The following UBE4B variants were observed in gnomAD, a reference collection of about 807,000 sequenced individuals.
The protein encoded by UBE4B is ubiquitination factor E4B, also known as ubiquitin conjugation factor E4 B.
Under a neutral mutation model 148.1 loss-of-function variants are expected in UBE4B, and 27 were observed. The ratio of observed to expected loss-of-function variants is 0.18; its 90% CI spans 0.13 to 0.25. The LOEUF is 0.25. Ranked by LOEUF, UBE4B falls within the 10% of genes least tolerant of loss-of-function variation. The probability of loss-of-function intolerance (pLI) is 1.00; values close to 1 mark genes in which losing one functional copy is unlikely to be tolerated. For synonymous variants in UBE4B, 596 were observed against 619.3 expected (o/e 0.96, Z 0.56); for missense variants, 1,170 against 1,662.4 (o/e 0.70, Z 5.15).
chr1:10,154,400 A>T (rs1557601843), intron 21 of UBE4B, among the ~76,000 whole-genome samples: 1 of 152,154 alleles, frequency 6.6e-6, no homozygotes, highest in Non-Finnish European at 1.5e-5. Flanking sequence ...AAAAGAGTGG[A>T]TTTGGAGCTA....
At chr1:10,096,731 A>C (rs1356764416) in intron 3 of UBE4B, among the ~76,000 whole-genome samples, 3 of 151,766 alleles carry the variant, frequency 2.0e-5, no homozygotes, top group Non-Finnish European at 4.4e-5. Flanking sequence ...CAAAAAAAGA[A>C]AAAGGAGAAT....
rs1643379704 is a variant in UBE4B, at chr1:10,033,475, C to T, written c.-196C>T. 6.4e-6 allele frequency: 3 copies of T among 467,000 alleles called. 1 individual carries two copies. The South Asian group carries it at 1.8e-4, about 28-fold the overall frequency. 28.9% of individuals were successfully genotyped at this position (467,000 alleles called of 1,614,324 possible). Reference sequence around the variant, plus strand: ...GCGGCTGTAGTAGTCTGTGGGGCGACTGGAGTGACCGAAGCCAAGGCAGTT... The same window carrying T: ...GCGGCTGTAGTAGTCTGTGGGGCGATTGGAGTGACCGAAGCCAAGGCAGTT... On this transcript the variant is annotated 5_prime_UTR_variant, in exon 1 of 28. Coordinates refer to ENST00000343090, the MANE Select transcript of UBE4B (RefSeq NM_001105562.3).
At chr1:10,107,859 TGA>T (rs924148992) in intron 7 of UBE4B, among the ~76,000 whole-genome samples, 2 of 151,984 alleles carry the variant, frequency 1.3e-5, no homozygotes, top group African/African-American at 2.4e-5. Context: ...ATTACAGGAG[TGA>T]GTCACTGTGT....
chr1:10,158,594 A>T, intron 22 of UBE4B, 112 bp downstream of exon 22: 2 of 1,406,244 alleles, frequency 1.4e-6, no homozygotes, highest in Non-Finnish European at 9.6e-7. Context: ...TTGGTCTCAG[A>T]CTCCTTTGAG....
intron 19 of UBE4B, 78 bp from the exon 20 acceptor site, chr1:10,149,106 G>A (rs1645929477): frequency 1.6e-5 from 16 of 993,582 alleles, no homozygotes; most frequent in East Asian, 1.5e-4. Context: ...ATACTTATCC[G>A]ATGGTAATGT....
At chr1:10,035,468 C>T (rs1348532266) in intron 1 of UBE4B, among the ~76,000 whole-genome samples, 2 of 134,746 alleles carry the variant, frequency 1.5e-5, no homozygotes, top group Non-Finnish European at 3.1e-5. Context: ...GCTATCTCAG[C>T]TCACTGCAAG....
chr1:10,086,043 C>T (rs1023727166), intron 2 of UBE4B, among the ~76,000 whole-genome samples: 3 of 152,030 alleles, frequency 2.0e-5, no homozygotes, highest in African/African-American at 7.2e-5. Flanking sequence ...ACAATCTCCG[C>T]TTACTGCAAG....
At chr1:10,107,505 T>C in intron 7 of UBE4B, 1 of 1,048,850 alleles carries the variant, frequency 9.5e-7, no homozygotes, top group Non-Finnish European at 1.2e-6. Flanking sequence ...CCAGAGTATA[T>C]TGATGTGTTC....
At chr1:10,152,331 G>A (rs1019526446) in intron 21 of UBE4B, among the ~76,000 whole-genome samples, 3 of 151,426 alleles carry the variant, frequency 2.0e-5, no homozygotes, top group African/African-American at 4.9e-5. Flanking sequence ...TTCTTAAGTT[G>A]AAAATACCTG....
chr1:10,127,202 T>TAA (rs35655615), intron 11 of UBE4B, among the ~76,000 whole-genome samples: 2 of 144,388 alleles, frequency 1.4e-5, no homozygotes, highest in Non-Finnish European at 3.1e-5. Context: ...TTTTGTTACT[T>TAA]AAAAAAAAAA....
intron 14 of UBE4B, among the ~76,000 whole-genome samples, chr1:10,131,989 G>A (rs530923420): frequency 1.1e-4 from 17 of 152,110 alleles, no homozygotes; most frequent in African/African-American, 3.4e-4. Context: ...AACTAGCTGG[G>A]TGTGGCGGCG....
At chr1:10,140,964 A>G (rs138396092) in intron 17 of UBE4B, among the ~76,000 whole-genome samples, 199 of 152,308 alleles carry the variant, frequency 1.3e-3, no homozygotes, top group Non-Finnish European at 2.4e-3. Context: ...GTTGCATAAT[A>G]TGAACCTCTC....
chr1:10,088,214 C>T (rs545368501), intron 2 of UBE4B, among the ~76,000 whole-genome samples: 5 of 152,160 alleles, frequency 3.3e-5, no homozygotes, highest in Non-Finnish European at 5.9e-5. Flanking sequence ...TGATTCTATG[C>T]ATGATTCTGC....
At chr1:10,095,619 A>C in intron 3 of UBE4B, 23 bp downstream of exon 3, 1 of 1,613,780 alleles carries the variant, frequency 6.2e-7, no homozygotes. Flanking sequence ...CAGTTTTCTA[A>C]TATGCTCTTT....
chr1:10,068,260 A>G, intron 1 of UBE4B, among the ~76,000 whole-genome samples: 1 of 151,856 alleles, frequency 6.6e-6, no homozygotes, highest in Non-Finnish European at 1.5e-5. Context: ...AACTCCTGAC[A>G]TGAAGTGATC....
intron 7 of UBE4B, among the ~76,000 whole-genome samples, chr1:10,110,362 G>A (rs896880692): frequency 4.0e-4 from 61 of 152,168 alleles, no homozygotes; most frequent in African/African-American, 1.3e-3. Context: ...TGCTTTTTGC[G>A]CGAGTGGCAT....
chr1:10,157,742 A>T (rs535334975), intron 21 of UBE4B, among the ~76,000 whole-genome samples: 2 of 152,120 alleles, frequency 1.3e-5, no homozygotes, highest in Admixed American at 6.6e-5. Flanking sequence ...GTGCTACTGC[A>T]CTCCAGCCTG....
chr1:10,074,652 C>T (rs555892800), intron 2 of UBE4B, among the ~76,000 whole-genome samples: 2 of 152,332 alleles, frequency 1.3e-5, no homozygotes, highest in Admixed American at 6.5e-5. Flanking sequence ...CCTGGAAACA[C>T]GTTTTTCTTT....
chr1:10,158,747 G>A (rs1012107571), intron 22 of UBE4B, among the ~76,000 whole-genome samples: 18 of 152,144 alleles, frequency 1.2e-4, no homozygotes, highest in African/African-American at 4.1e-4. Flanking sequence ...GGTGGCTCAC[G>A]CCTGTAATCC....
Sources: allele counts gnomAD v4.1 joint callset (sites outside exome capture counted in the v4.1 genomes callset), GRCh38; gene constraint gnomAD v4.1.1; transcripts MANE v1.5; gene names NCBI Gene and HGNC (gene_info 2026-07-23, HGNC 2026-07-21).